Variants in LPP observed in about 807,000 individuals in gnomAD.
LPP encodes lipoma-preferred partner.
A neutral mutation model predicts 60.4 loss-of-function variants in LPP; 38 were observed. That is an observed-to-expected ratio of 0.63 (90% CI 0.49 to 0.83). The LOEUF is 0.83. Ranked by LOEUF, LPP falls within the 40% of genes least tolerant of loss-of-function variation. The pLI, the probability that LPP is intolerant of heterozygous loss-of-function variation, is 0.00. For synonymous variants in LPP, 328 were observed against 290.8 expected, an observed-to-expected ratio of 1.13 and a Z score of -1.30; for missense variants, 902 against 783.6, an observed-to-expected ratio of 1.15 and a Z score of -1.80.
At chr3:188,407,772 T>C (rs1783889611) in intron 4 of LPP, among the ~76,000 whole-genome samples, 1 of 94,534 alleles carries the variant, frequency 1.1e-5, no homozygotes, top group African/African-American at 3.6e-5. Flanking sequence ...TTTATGGTTT[T>C]TTTTTTTGTT....
In LPP at chr3:188,495,997, A is replaced by AT. The variant is rs1579354726; in HGVS notation, c.306+11293_306+11294insT. ...TTTTTGTACTCTTACTATATAACTTAAAATATATTATAGCATGGGGTGTTT... is the reference window on the plus strand; with the variant it reads ...TTTTTGTACTCTTACTATATAACTTATAAATATATTATAGCATGGGGTGTTT... On this transcript the variant is annotated intron_variant, in intron 5 of 11. Coordinates refer to ENST00000617246, the MANE Select transcript of LPP (RefSeq NM_001375462.1). 1.7e-4 allele frequency among the ~76,000 whole-genome samples: 26 copies of AT among 152,312 alleles called. No homozygotes were observed. The East Asian group carries it at 4.8e-3, about 28-fold the overall frequency.
chr3:188,690,942 G>A lies in LPP; in HGVS notation c.1114-17325G>A, dbSNP rs182965592. On this transcript the variant is annotated intron_variant, in intron 7 of 11. Transcript: ENST00000617246. ...TAATTATGGGTTATCTCTCATGACT[G>A]TTTTTATCTTCATCTGAGACCCTTT... Among the ~76,000 whole-genome samples the A allele has an allele frequency of 6.6e-5, 10 of 152,188 alleles. No individual in the cohort carries two copies. The East Asian group carries it at 1.9e-3, about 29-fold the overall frequency.
chr3:188,665,634 AT>A (rs200890229), intron 7 of LPP, among the ~76,000 whole-genome samples: 4 of 151,154 alleles, frequency 2.6e-5, no homozygotes, highest in African/African-American at 9.7e-5. Context: ...TAATTTTTGT[AT>A]TTTTTTTAGT....
At chr3:188,184,483 T>C (rs1325396469) in intron 1 of LPP, among the ~76,000 whole-genome samples, 1 of 152,108 alleles carries the variant, frequency 6.6e-6, no homozygotes, top group Non-Finnish European at 1.5e-5. Flanking sequence ...AACCAGGAAA[T>C]TTGTTTTTTA....
At chr3:188,772,248 C>G (rs1385945875) in intron 9 of LPP, among the ~76,000 whole-genome samples, 1 of 152,132 alleles carries the variant, frequency 6.6e-6, no homozygotes. Context: ...TCTGTCTATT[C>G]CCATGCCATT....
chr3:188,712,375 A>G (rs1711907243), intron 8 of LPP: 2 of 152,228 alleles, frequency 1.3e-5, no homozygotes, highest in South Asian at 4.1e-4. Flanking sequence ...ACGGGTTCCT[A>G]GGAAGGACAA....
intron 8 of LPP, chr3:188,710,557 C>T (rs1284830410): frequency 6.6e-6 from 1 of 152,068 alleles, no homozygotes; most frequent in African/African-American, 2.4e-5. Context: ...AGAAAATCCA[C>T]GAAGGTTTCT....
chr3:188,475,834 C>T (rs750074467), intron 4 of LPP, among the ~76,000 whole-genome samples: 10 of 152,120 alleles, frequency 6.6e-5, no homozygotes, highest in Non-Finnish European at 1.3e-4. Context: ...ACCCGGGAGG[C>T]GGAGCTTGCA....
At chr3:188,869,994 G>A (rs533031679) in intron 10 of LPP, among the ~76,000 whole-genome samples, 14 of 151,988 alleles carry the variant, frequency 9.2e-5, no homozygotes, top group African/African-American at 3.1e-4. Context: ...CTCAATTACC[G>A]TTTCCTGGAA....
At chr3:188,504,496 T>G (rs1377187511) in intron 5 of LPP, among the ~76,000 whole-genome samples, 1 of 152,178 alleles carries the variant, frequency 6.6e-6, no homozygotes, top group East Asian at 1.9e-4. Context: ...TTGTATGTCT[T>G]TTGATTTTTT....
intron 6 of LPP, among the ~76,000 whole-genome samples, chr3:188,571,858 G>A (rs773038532): frequency 1.3e-5 from 2 of 152,046 alleles, no homozygotes; most frequent in Non-Finnish European, 2.9e-5. Flanking sequence ...TCAGTTAGGC[G>A]CTGTTCCTCT....
intron 6 of LPP, among the ~76,000 whole-genome samples, chr3:188,559,791 A>G (rs143418568): frequency 1.1e-3 from 168 of 152,222 alleles, no homozygotes; most frequent in African/African-American, 3.5e-3. Context: ...CTCGTCCGAG[A>G]ATATAAAAAC....
chr3:188,766,568 C>T (rs1734228267), intron 9 of LPP, among the ~76,000 whole-genome samples: 1 of 152,106 alleles, frequency 6.6e-6, no homozygotes, highest in Non-Finnish European at 1.5e-5. Flanking sequence ...TGTCAGCTTG[C>T]TTAGTTCCAT....
At chr3:188,178,625 G>A (rs1258455769) in intron 1 of LPP, 1 of 152,344 alleles carries the variant, frequency 6.6e-6, no homozygotes, top group Non-Finnish European at 1.5e-5. Context: ...GTCAATGTGA[G>A]AATCTTTCAG....
intron 1 of LPP, among the ~76,000 whole-genome samples, chr3:188,171,582 C>T (rs1721600824): frequency 3.9e-5 from 6 of 152,160 alleles, no homozygotes. Flanking sequence ...ACAAATCTTT[C>T]CAAGAGATTA....
At chr3:188,836,450 T>C (rs778444075) in intron 9 of LPP, among the ~76,000 whole-genome samples, 3 of 152,224 alleles carry the variant, frequency 2.0e-5, no homozygotes, top group Non-Finnish European at 2.9e-5. Context: ...TCCAATCCTG[T>C]ATGGAGTTCC....
chr3:188,685,708 G>T lies in LPP; in HGVS notation c.1114-22559G>T, dbSNP rs561184949. Among the ~76,000 whole-genome samples, 41 of 151,996 alleles carry T rather than the reference G, an allele frequency of 2.7e-4. 1 individual carries two copies. The highest frequency in any genetic ancestry group is 1.2e-4 in the Non-Finnish European group (8 of 68,004). On this transcript the variant is annotated intron_variant, in intron 7 of 11. Coordinates refer to ENST00000617246, the MANE Select transcript of LPP (RefSeq NM_001375462.1). ...TAAGCAAGCTGGACCATTTCCTTGG[G>T]AATTATTCACCTCTCAATCAAAGAA... is the stretch of plus-strand genomic sequence containing the variant.
intron 7 of LPP, among the ~76,000 whole-genome samples, chr3:188,616,865 A>C (rs1402278092): frequency 6.6e-6 from 1 of 152,146 alleles, no homozygotes; most frequent in African/African-American, 2.4e-5. Context: ...ATGGTATTTT[A>C]AAATTTGTTT....
intron 9 of LPP, among the ~76,000 whole-genome samples, chr3:188,766,445 C>G (rs942817696): frequency 2.7e-5 from 4 of 146,388 alleles, no homozygotes; most frequent in African/African-American, 7.5e-5. Context: ...AGTGCTTTAA[C>G]TTTTATGAAG....
Sources: allele counts gnomAD v4.1 joint callset (sites outside exome capture counted in the v4.1 genomes callset), GRCh38; gene constraint gnomAD v4.1.1; transcripts MANE v1.5; gene names NCBI Gene and HGNC (gene_info 2026-07-23, HGNC 2026-07-21).